The following ERBB4 variants were observed in gnomAD, a reference collection of about 807,000 sequenced individuals.
ERBB4 encodes the protein receptor tyrosine-protein kinase erbB-4.
ERBB4 carries 42 observed loss-of-function variants against 158.0 expected under a neutral mutation model. The ratio of observed to expected loss-of-function variants is 0.27; its 90% CI spans 0.21 to 0.34. The LOEUF is 0.34. Ranked by LOEUF, ERBB4 falls within the 10% of genes least tolerant of loss-of-function variation. The pLI, the probability that ERBB4 is intolerant of heterozygous loss-of-function variation, is 1.00. For synonymous variants in ERBB4, 583 were observed against 558.7 expected (o/e 1.04, Z -0.61); for missense variants, 1,333 against 1,624.1 (o/e 0.82, Z 3.08).
chr2:211,752,228 C>A (rs1042675336), intron 4 of ERBB4, among the ~76,000 whole-genome samples: 7 of 151,772 alleles, frequency 4.6e-5, no homozygotes, highest in African/African-American at 1.7e-4. Flanking sequence ...TTTATACTAG[C>A]GGAAATTAGA....
At chr2:211,786,031 C>T (rs2076155564) in intron 4 of ERBB4, among the ~76,000 whole-genome samples, 1 of 152,076 alleles carries the variant, frequency 6.6e-6, no homozygotes, top group Admixed American at 6.5e-5. Context: ...GTAATTTAGA[C>T]AGATGAAGTC....
intron 3 of ERBB4, among the ~76,000 whole-genome samples, chr2:211,794,633 G>A (rs892713741): frequency 6.6e-6 from 1 of 151,670 alleles, no homozygotes; most frequent in African/African-American, 2.4e-5. Context: ...ATAAAATATT[G>A]AATACATTTA....
chr2:211,402,764 AG>A (rs1384202483), intron 25 of ERBB4, among the ~76,000 whole-genome samples: 1 of 152,026 alleles, frequency 6.6e-6, no homozygotes, highest in Non-Finnish European at 1.5e-5. Flanking sequence ...CCCCTAGAAA[AG>A]AGGAGGTACA....
At chr2:212,268,941 G>A (rs920855849) in intron 1 of ERBB4, among the ~76,000 whole-genome samples, 2 of 151,612 alleles carry the variant, frequency 1.3e-5, no homozygotes, top group African/African-American at 4.8e-5. Context: ...TAATTCCAGG[G>A]AGTTTAACTT....
rs2073400746 is a variant in ERBB4, at chr2:211,705,376, T to C, written c.1140A>G (p.Ala380=). ...VTGIHGDPYN[A]IEAIDPEKLN... ...GTTTCTCTGGGTCTATGGCTTCAAT[T>C]GCATTGTAAGGGTCCCTAGAAAATC... Residue 380 remains alanine, a synonymous_variant, in exon 10 of 28, where the codon GCA becomes GCG. Transcript: ENST00000342788. 1 of 1,611,652 alleles carries C rather than the reference T, an allele frequency of 6.2e-7. No individual in the cohort carries two copies. Among genetic ancestry groups the C allele is most frequent in the Non-Finnish European group, 8.5e-7 (1 of 1,177,758 alleles).
intron 2 of ERBB4, among the ~76,000 whole-genome samples, chr2:212,015,162 A>C (rs1252394300): frequency 2.8e-5 from 4 of 143,704 alleles, no homozygotes; most frequent in Admixed American, 7.1e-5. Context: ...GCTACTCGGG[A>C]GGCTGAGGCA....
chr2:211,908,660 T>A (rs566565194), intron 3 of ERBB4, among the ~76,000 whole-genome samples: 2 of 151,842 alleles, frequency 1.3e-5, no homozygotes, highest in Non-Finnish European at 2.9e-5. Flanking sequence ...TTATTCTTAT[T>A]TGACATTACT....
Position 212,386,562 on chromosome 2 carries a change from C to G in ERBB4, c.82+151887G>C, listed in dbSNP as rs2090682893. Among the ~76,000 whole-genome samples, 4 of 146,676 alleles carry G rather than the reference C, an allele frequency of 2.7e-5. No homozygotes were observed. The Admixed American group carries it at 2.8e-4, about 10-fold the overall frequency. ...TTTGTAAAAGCAAATATACTACTTC[C>G]TTTCTTTCTTAAAAAAAAAAAAAAA... On this transcript the variant is annotated intron_variant, in intron 1 of 27. Transcript: ENST00000342788.
chr2:212,395,817 C>T (rs2091008920), intron 1 of ERBB4, among the ~76,000 whole-genome samples: 1 of 151,996 alleles, frequency 6.6e-6, no homozygotes. Flanking sequence ...CGGGGTTTCA[C>T]CATGTTGGCC....
intron 20 of ERBB4, among the ~76,000 whole-genome samples, chr2:211,483,106 C>G (rs1332810923): frequency 1.3e-5 from 2 of 151,832 alleles, no homozygotes; most frequent in Non-Finnish European, 2.9e-5. Flanking sequence ...GAATTAAAAG[C>G]AGATTAATAT....
At chr2:211,995,812 G>A (rs545620945) in intron 2 of ERBB4, among the ~76,000 whole-genome samples, 5 of 152,228 alleles carry the variant, frequency 3.3e-5, no homozygotes, top group African/African-American at 1.2e-4. Context: ...CAGCTGCTGA[G>A]GCTGGAATAA....
chr2:212,287,558 C>T (rs1248201439), intron 1 of ERBB4, among the ~76,000 whole-genome samples: 2 of 152,094 alleles, frequency 1.3e-5, no homozygotes, highest in African/African-American at 4.8e-5. Context: ...ACCTAACAGG[C>T]TTCATCGCTA....
chr2:211,499,849 T>A (rs541032231), intron 20 of ERBB4, among the ~76,000 whole-genome samples: 1 of 151,528 alleles, frequency 6.6e-6, no homozygotes, highest in South Asian at 2.1e-4. Flanking sequence ...TTGAGAAAAG[T>A]TTTTTTTTGG....
At chr2:211,727,141 G>C (rs576319909) in intron 5 of ERBB4, among the ~76,000 whole-genome samples, 1 of 152,156 alleles carries the variant, frequency 6.6e-6, no homozygotes, top group East Asian at 1.9e-4. Flanking sequence ...GAAGATCTAG[G>C]CTCAAATCCA....
At chr2:212,248,976 T>C (rs1335161719) in intron 1 of ERBB4, among the ~76,000 whole-genome samples, 2 of 152,136 alleles carry the variant, frequency 1.3e-5, no homozygotes, top group Non-Finnish European at 2.9e-5. Flanking sequence ...ACTATGCATA[T>C]AATTTTGGGA....
chr2:211,592,909 G>C (rs2068518469), intron 19 of ERBB4, among the ~76,000 whole-genome samples: 1 of 152,040 alleles, frequency 6.6e-6, no homozygotes, highest in Non-Finnish European at 1.5e-5. Context: ...TACTTGGGAG[G>C]CTGAGGCAGG....
intron 19 of ERBB4, among the ~76,000 whole-genome samples, chr2:211,615,194 G>A (rs2069339444): frequency 6.6e-6 from 1 of 151,986 alleles, no homozygotes; most frequent in African/African-American, 2.4e-5. Context: ...TTTAAATACT[G>A]GGGAAAAATA....
At position 211,623,026 on chromosome 2, in the gene ERBB4, TATATATATATATATATATAA is replaced by T. The variant is rs1395685115; in HGVS notation, c.2202+876_2202+895del. Among the ~76,000 whole-genome samples the T allele has an allele frequency of 2.0e-3, 136 of 69,090 alleles. 1 individual carries two copies. The highest frequency in any genetic ancestry group is 7.7e-3 in the Middle Eastern group (1 of 130). 45.3% of individuals were successfully genotyped at this position (69,090 alleles called of 152,430 possible). On this transcript the variant is annotated intron_variant, in intron 18 of 27. Transcript: ENST00000342788. ...ATATATATATATATATATATATATA[TATATATATATATATATATAA>T]AATGCCAAAGTAACTTTTGGGAATT...
chr2:212,046,137 A>G (rs2077255937), intron 2 of ERBB4, among the ~76,000 whole-genome samples: 1 of 152,192 alleles, frequency 6.6e-6, no homozygotes, highest in Non-Finnish European at 1.5e-5. Flanking sequence ...GGAGAAGAGA[A>G]CCTGAAAATA....
Sources: allele counts gnomAD v4.1 joint callset (sites outside exome capture counted in the v4.1 genomes callset), GRCh38; gene constraint gnomAD v4.1.1; transcripts MANE v1.5; gene names NCBI Gene and HGNC (gene_info 2026-07-23, HGNC 2026-07-21).